Variants in ADD3 observed in about 807,000 individuals in gnomAD.
ADD3 encodes the protein adducin 3.
ADD3 carries 25 observed loss-of-function variants against 80.2 expected under a neutral mutation model. The ratio of observed to expected loss-of-function variants is 0.31; its 90% CI spans 0.23 to 0.44. The LOEUF (loss-of-function observed/expected upper bound fraction) is 0.44. Ranked by LOEUF, ADD3 falls within the 20% of genes least tolerant of loss-of-function variation. ADD3 has a pLI of 1.00. For synonymous variants in ADD3, 284 were observed against 289.6 expected, an observed-to-expected ratio of 0.98 and a Z score of 0.20; for missense variants, 829 against 847.5, an observed-to-expected ratio of 0.98 and a Z score of 0.27.
intron 1 of ADD3, chr10:110,077,035 A>T (rs1181761847): frequency 6.6e-6 from 1 of 152,228 alleles, no homozygotes; most frequent in African/African-American, 2.4e-5. Context: ...GCTCTTTAAA[A>T]CAAAGTTCAT....
At chr10:110,004,420 G>A (rs1334788550), upstream of ADD3, among the ~76,000 whole-genome samples, 2 of 152,088 alleles carry the variant, frequency 1.3e-5, no homozygotes, top group Non-Finnish European at 2.9e-5. Context: ...TGTAGTCCCA[G>A]GCTGAGGCAG....
At chr10:110,057,566 G>A (rs191823485) in intron 1 of ADD3, among the ~76,000 whole-genome samples, 1 of 152,238 alleles carries the variant, frequency 6.6e-6, no homozygotes, top group South Asian at 2.1e-4. Flanking sequence ...CTGAGATTTT[G>A]ATTTAAATGG....
intron 3 of ADD3, 105 bp from the exon 4 acceptor site, chr10:110,116,154 A>T: frequency 9.5e-7 from 1 of 1,051,308 alleles, no homozygotes; most frequent in Non-Finnish European, 1.4e-6. Flanking sequence ...AGATTATTAT[A>T]TACAAGGCTG....
At chr10:110,093,223 G>C (rs1009034198) in intron 1 of ADD3, among the ~76,000 whole-genome samples, 1 of 152,118 alleles carries the variant, frequency 6.6e-6, no homozygotes, top group Non-Finnish European at 1.5e-5. Context: ...TTCTGTGATT[G>C]CTTTAAAATG....
chr10:110,089,273 T>C (rs1051813854), intron 1 of ADD3, among the ~76,000 whole-genome samples: 14 of 152,162 alleles, frequency 9.2e-5, no homozygotes, highest in Non-Finnish European at 2.9e-5. Flanking sequence ...TATTTAAAAA[T>C]AATAATTTCT....
At chr10:110,020,319 ATG>A (rs1482105108) in intron 1 of ADD3, among the ~76,000 whole-genome samples, 1 of 152,186 alleles carries the variant, frequency 6.6e-6, no homozygotes, top group Non-Finnish European at 1.5e-5. Flanking sequence ...GAAATAAAGT[ATG>A]TGTTACGTTA....
intron 9 of ADD3, chr10:110,123,806 T>C (rs1851810615): frequency 1.9e-6 from 1 of 538,334 alleles, no homozygotes; most frequent in African/African-American, 1.9e-5. Flanking sequence ...AATTGCAATA[T>C]CAGCTGTTAT....
In ADD3 at chr10:110,116,410, A is replaced by T; in HGVS notation, c.486A>T (p.Ser162=). ...GWAHLANTYI[S]VRISKEQDHI... Reference sequence around the variant, plus strand: ...CACACCTGGCAAATACCTATATCTCAGTGAGTTCTTCAGCTTTCAATTCCT... The same window carrying T: ...CACACCTGGCAAATACCTATATCTCTGTGAGTTCTTCAGCTTTCAATTCCT... The change falls in exon 4 of 15, where the codon TCA becomes TCT. Residue 162 remains serine, a splice_region_variant and synonymous_variant. Transcript: ENST00000356080. 1 of 1,610,856 alleles carries T rather than the reference A, an allele frequency of 6.2e-7. No individual in the cohort carries two copies.
chr10:110,086,561 C>A (rs1300938156), intron 1 of ADD3, among the ~76,000 whole-genome samples: 1 of 152,072 alleles, frequency 6.6e-6, no homozygotes, highest in Non-Finnish European at 1.5e-5. Flanking sequence ...TAGTACCATC[C>A]CCCTAGTGCT....
At chr10:110,050,519 T>C (rs1319118299) in intron 1 of ADD3, among the ~76,000 whole-genome samples, 1 of 150,752 alleles carries the variant, frequency 6.6e-6, no homozygotes, top group East Asian at 1.9e-4. Context: ...TTTTTTTTTT[T>C]TTTTTTTTCC....
intron 3 of ADD3, among the ~76,000 whole-genome samples, chr10:110,115,056 G>T (rs955766551): frequency 1.3e-5 from 2 of 148,658 alleles, no homozygotes; most frequent in Non-Finnish European, 3.0e-5. Flanking sequence ...TGCAGCCTGG[G>T]TGACAGAGTG....
At chr10:110,114,063 G>A (rs1175670301) in intron 3 of ADD3, among the ~76,000 whole-genome samples, 1 of 152,206 alleles carries the variant, frequency 6.6e-6, no homozygotes, top group Non-Finnish European at 1.5e-5. Flanking sequence ...GAAGTGTCCT[G>A]GATTCCATGG....
chr10:110,133,468 C>T lies in ADD3; in HGVS notation c.1971C>T (p.Asn657=). Residue 657 remains asparagine, a synonymous_variant, in exon 15 of 15, where the codon AAC becomes AAT. Transcript: ENST00000356080. ...TAAGCACAAGTACAACCATAGAAAA[C>T]ATCGAGATTACTATTAAGTCTCCAG... is the stretch of plus-strand genomic sequence containing the variant. The part of the protein sequence containing the change: ...SRLSTSTTIE[N]IEITIKSPEK... 1.2e-6 allele frequency: 2 copies of T among 1,613,848 alleles called. No homozygotes were observed. The highest frequency in any genetic ancestry group is 1.7e-6 in the Non-Finnish European group (2 of 1,179,862).
At chr10:110,080,490 T>C (rs1845943752) in intron 1 of ADD3, among the ~76,000 whole-genome samples, 1 of 152,194 alleles carries the variant, frequency 6.6e-6, no homozygotes, top group African/African-American at 2.4e-5. Context: ...AGTTTAAGAA[T>C]GTAAAAAAGG....
rs1270837133 is a variant in ADD3 at position 110,126,353 on chromosome 10, TAAAGC to T, written c.1522-59_1522-55del. The stretch of plus-strand genomic sequence containing the variant: ...CAAGTAGTAAGCTTTTATGAAAAGA[TAAAGC>T]AAAGGTCATCTGCATAGTTGCCCTC... On this transcript the variant is annotated intron_variant, in intron 11 of 14. Transcript: ENST00000356080. 2.2e-5 allele frequency: 27 copies of T among 1,244,690 alleles called. No individual in the cohort carries two copies. In the Middle Eastern group the frequency reaches 7.6e-4, roughly 35 times the overall value. 77.1% of individuals were successfully genotyped at this position (1,244,690 alleles called of 1,614,324 possible).
chr10:110,014,012 T>G (rs998584278), intron 1 of ADD3, among the ~76,000 whole-genome samples: 5 of 152,238 alleles, frequency 3.3e-5, no homozygotes, highest in African/African-American at 1.2e-4. Flanking sequence ...CTGTTTTCCT[T>G]TTCCATTCAA....
intron 1 of ADD3, among the ~76,000 whole-genome samples, chr10:110,026,115 A>G (rs1469762040): frequency 1.3e-5 from 2 of 152,190 alleles, no homozygotes; most frequent in Non-Finnish European, 2.9e-5. Flanking sequence ...GTTTAGGAAC[A>G]TTATATAGAA....
chr10:110,128,097 G>C (rs1390886305), intron 12 of ADD3, among the ~76,000 whole-genome samples: 1 of 123,790 alleles, frequency 8.1e-6, no homozygotes, highest in African/African-American at 3.1e-5. Context: ...CTGCATCCCT[G>C]CTGTTCTGAA....
chr10:110,112,985 C>A, intron 3 of ADD3, 70 bp downstream of exon 3: 1 of 1,507,998 alleles, frequency 6.6e-7, no homozygotes, highest in Non-Finnish European at 9.0e-7. Context: ...ACATCTCTAG[C>A]AGCATATTCT....
Sources: gnomAD v4.1 joint callset for allele counts (sites outside exome capture counted in the v4.1 genomes callset) on GRCh38, gnomAD v4.1.1 for gene constraint, MANE v1.5 for transcripts, NCBI Gene and HGNC (gene_info 2026-07-23, HGNC 2026-07-21) for gene names.